REXO1: variants seen among roughly 807,000 people sequenced by gnomAD.
The protein encoded by REXO1 is REX1, RNA exonuclease 1 homolog.
In REXO1, 42 loss-of-function variants were observed where a neutral mutation model predicts 102.6. The ratio of observed to expected loss-of-function variants is 0.41; its 90% CI spans 0.32 to 0.53. The LOEUF is 0.53. REXO1 is among the 20% of genes least tolerant of loss of function. REXO1 has a pLI of 0.27. For missense variants in REXO1, 1,819 were observed against 1,732.5 expected (o/e 1.05, Z -0.89); for synonymous variants, 908 against 779.1 (o/e 1.17, Z -2.76).
In REXO1 at chr19:1,815,572, G is replaced by A. The variant is rs1210690983; in HGVS notation, c.*494C>T. On this transcript the variant is annotated 3_prime_UTR_variant, in exon 16 of 16. Coordinates refer to ENST00000170168, the MANE Select transcript of REXO1 (RefSeq NM_020695.4). The surrounding 1 kb of genome is among the most constrained non-coding windows in gnomAD (Gnocchi z 4.0). Reference sequence around the variant, plus strand: ...GGTCTGTCCCACCCCCACCCCGCAGGAGGGAAGGCAGCAGGCCCGCTCTTC... The same window carrying A: ...GGTCTGTCCCACCCCCACCCCGCAGAAGGGAAGGCAGCAGGCCCGCTCTTC... The A allele has an allele frequency of 1.4e-5, 10 of 738,126 alleles. No individual in the cohort carries two copies. The highest frequency in any genetic ancestry group is 2.2e-5 in the South Asian group (1 of 44,862). 45.7% of individuals were successfully genotyped at this position (738,126 alleles called of 1,614,324 possible). A position where few individuals can be genotyped will look rare whatever the true frequency, so the allele number is the denominator to read the frequency against.
At chr19:1,820,165 CG>C in intron 6 of REXO1, 98 bp downstream of exon 6, 2 of 1,559,062 alleles carry the variant, frequency 1.3e-6, no homozygotes, top group African/African-American at 2.8e-5. Flanking sequence ...CAGGCAGCTC[CG>C]GGTCACAGCT....
intron 3 of REXO1, 47 bp downstream of exon 3, chr19:1,825,787 TAAAAA>T: frequency 4.7e-5 from 47 of 995,372 alleles, no homozygotes; most frequent in Middle Eastern, 2.9e-4. Flanking sequence ...ACCTCGTCTT[TAAAAA>T]AAAAAAAAAA....
At chr19:1,838,184 G>C (rs372709090) in intron 1 of REXO1, among the ~76,000 whole-genome samples, 1 of 151,954 alleles carries the variant, frequency 6.6e-6, no homozygotes, top group African/African-American at 2.4e-5. Flanking sequence ...AGCCGGGTGT[G>C]GGGGTGCCTA....
chr19:1,818,725 C>T lies in REXO1; in HGVS notation c.2883G>A (p.Glu961=). The part of the protein sequence containing the change: ...RPGGAIIFTA[E]EKRPKDSSCR... ...ACTCACAGTCCTTGGGCCTCTTCTC[C>T]TCAGCTGTGAAGATGATTGCGCCCC... The change falls in exon 9 of 16, where the codon GAG becomes GAA. Residue 961 remains glutamate, a synonymous_variant. Transcript: ENST00000170168. 2.5e-6 allele frequency: 4 copies of T among 1,611,160 alleles called. No homozygotes were observed. The highest frequency in any genetic ancestry group is 2.2e-5 in the East Asian group (1 of 44,886).
intron 1 of REXO1, among the ~76,000 whole-genome samples, chr19:1,835,846 G>A (rs1451422680): frequency 6.6e-6 from 1 of 152,158 alleles, no homozygotes; most frequent in African/African-American, 2.4e-5. Flanking sequence ...CGCCTGGCTG[G>A]CTATCTTCCC....
intron 1 of REXO1, among the ~76,000 whole-genome samples, chr19:1,844,569 G>A (rs1039114605): frequency 1.3e-5 from 2 of 152,138 alleles, no homozygotes; most frequent in African/African-American, 4.8e-5. Context: ...CATGTACCTG[G>A]GGCTGCTCCC....
At chr19:1,833,684 C>G (rs2069965091) in intron 1 of REXO1, among the ~76,000 whole-genome samples, 1 of 152,204 alleles carries the variant, frequency 6.6e-6, no homozygotes, top group Admixed American at 6.5e-5. Flanking sequence ...GGGGGAGGCT[C>G]CGGCTCCTCC....
chr19:1,815,880 G>C lies in REXO1; in HGVS notation c.*186C>G. On this transcript the variant is annotated 3_prime_UTR_variant, in exon 16 of 16. Coordinates refer to ENST00000170168, the MANE Select transcript of REXO1 (RefSeq NM_020695.4). The surrounding 1 kb of genome is among the most constrained non-coding windows in gnomAD (Gnocchi z 4.0). The stretch of plus-strand genomic sequence containing the variant: ...GGCAGAGGGTGGGGACCGGCGGAGG[G>C]GTGCGGCAGGACGTGAGCGGGGGTG... 6.5e-7 allele frequency: 1 copy of C among 1,527,554 alleles called. No individual in the cohort carries two copies. Among genetic ancestry groups the C allele is most frequent in the Non-Finnish European group, 8.8e-7 (1 of 1,141,418 alleles). The allele number at this position is 1,527,554 out of a possible 1,614,324, so 94.6% of individuals were successfully genotyped here.
In REXO1 at chr19:1,836,435, C is replaced by T. The variant is rs1320590735; in HGVS notation, c.158-7804G>A. ...GGCCCCTCCCACCCAGACGGGGAGA[C>T]TCAGTGGCTCTAAAGAACCCGGCAG... On this transcript the variant is annotated intron_variant, in intron 1 of 15. Transcript: ENST00000170168. Among the ~76,000 whole-genome samples the T allele has an allele frequency of 2.0e-5, 3 of 152,252 alleles. No individual in the cohort carries two copies. The South Asian group carries it at 6.2e-4, about 32-fold the overall frequency.
intron 1 of REXO1, among the ~76,000 whole-genome samples, chr19:1,837,145 T>C (rs1450343152): frequency 1.3e-5 from 2 of 152,282 alleles, no homozygotes; most frequent in African/African-American, 4.8e-5. Context: ...GCTGGTTGTG[T>C]CCACGGGAGC....
intron 4 of REXO1, chr19:1,823,172 A>T (rs2069600033): frequency 5.0e-6 from 1 of 199,054 alleles, no homozygotes; most frequent in Non-Finnish European, 1.0e-5. Context: ...GGAAGACAGC[A>T]CTCATTTCCA....
At chr19:1,829,190 G>A (rs1483344276) in intron 1 of REXO1, among the ~76,000 whole-genome samples, 1 of 152,252 alleles carries the variant, frequency 6.6e-6, no homozygotes, top group Non-Finnish European at 1.5e-5. Context: ...TGGCTGAGCA[G>A]GGCCGGGGGA....
At chr19:1,847,051 T>A (rs531835596) in intron 1 of REXO1, among the ~76,000 whole-genome samples, 1 of 152,168 alleles carries the variant, frequency 6.6e-6, no homozygotes, top group Non-Finnish European at 1.5e-5. Flanking sequence ...TAGGCACAGC[T>A]GTCGGCAGGT....
chr19:1,828,794 G>C, intron 1 of REXO1, among the ~76,000 whole-genome samples, 163 bp from the exon 2 acceptor site: 1 of 152,270 alleles, frequency 6.6e-6, no homozygotes, highest in Admixed American at 6.5e-5. Flanking sequence ...CTGGGTACAG[G>C]CCATGGCGCC....
intron 1 of REXO1, among the ~76,000 whole-genome samples, chr19:1,842,080 A>G (rs1399485366): frequency 6.6e-6 from 1 of 152,118 alleles, no homozygotes; most frequent in Non-Finnish European, 1.5e-5. Context: ...GCGTGGTAGC[A>G]GGTGCCTGTA....
intron 11 of REXO1, 117 bp downstream of exon 11, chr19:1,817,590 C>A: frequency 1.4e-6 from 2 of 1,436,004 alleles, no homozygotes; most frequent in South Asian, 1.4e-5. Context: ...AGAAAGGCTG[C>A]CCGGGGGCCC....
intron 7 of REXO1, among the ~76,000 whole-genome samples, 156 bp from the exon 8 acceptor site, chr19:1,819,287 G>A (rs144012545): frequency 9.0e-5 from 12 of 133,590 alleles, no homozygotes; most frequent in African/African-American, 2.8e-4. Flanking sequence ...AGCCTGACCC[G>A]AACAGGAGAG....
intron 1 of REXO1, among the ~76,000 whole-genome samples, chr19:1,841,394 G>GGAGGAGGACA (rs1302038385): frequency 2.0e-5 from 3 of 152,136 alleles, no homozygotes; most frequent in African/African-American, 7.2e-5. Flanking sequence ...GGAGGAGGGC[G>GGAGGAGGACA]GAGGAGGACA....
In REXO1 at chr19:1,838,140, G is replaced by T. The variant is rs1258441121; in HGVS notation, c.158-9509C>A. Among the ~76,000 whole-genome samples, 9 of 150,986 alleles carry T rather than the reference G, an allele frequency of 6.0e-5. No individual in the cohort carries two copies. The South Asian group carries it at 1.9e-3, about 32-fold the overall frequency. ...TTTGAGACCAGCCTGGCCAACATGG[G>T]GAAACCCCGTCCCTACTAAAACTAC... On this transcript the variant is annotated intron_variant, in intron 1 of 15. Coordinates refer to ENST00000170168, the MANE Select transcript of REXO1 (RefSeq NM_020695.4).
Sources: gnomAD v4.1 joint callset for allele counts (sites outside exome capture counted in the v4.1 genomes callset) on GRCh38, gnomAD v4.1.1 for gene constraint, Gnocchi (gnomAD v3.1) non-coding constraint, MANE v1.5 for transcripts, NCBI Gene and HGNC (gene_info 2026-07-23, HGNC 2026-07-21) for gene names.